DHDH: variants seen among roughly 807,000 people sequenced by gnomAD.
The protein encoded by DHDH is dihydrodiol dehydrogenase.
DHDH carries 29 observed loss-of-function variants against 33.2 expected under a neutral mutation model. The ratio of observed to expected loss-of-function variants is 0.87; its 90% CI spans 0.65 to 1.19. The LOEUF (loss-of-function observed/expected upper bound fraction) is 1.19. Ranked by LOEUF, DHDH falls within the 50% of genes most tolerant of loss-of-function variation. The pLI is 0.00. For synonymous variants in DHDH, 201 were observed against 187.9 expected (o/e 1.07, Z -0.57); for missense variants, 431 against 455.0 (o/e 0.95, Z 0.48).
At chr19:48,939,405 G>A (rs2037824303) in intron 3 of DHDH, 44 bp from the exon 4 acceptor site, 5 of 1,574,726 alleles carry the variant, frequency 3.2e-6, no homozygotes, top group South Asian at 1.2e-5. Flanking sequence ...GACCCCAGAA[G>A]GGATTAGAAC....
rs1387509822 is a variant in DHDH, at chr19:48,936,108, T to C, written c.279T>C (p.Val93=). ...VMLCLAAGKA[V]LCEKPTGVNA... Reference sequence around the variant, plus strand: ...TGTGCTTGGCGGCGGGCAAGGCCGTTCTGTGCGAGAAGCCCACGGGCGTGA... The same window carrying C: ...TGTGCTTGGCGGCGGGCAAGGCCGTCCTGTGCGAGAAGCCCACGGGCGTGA... Residue 93 remains valine, a synonymous_variant, in exon 3 of 7, where the codon GTT becomes GTC. Transcript: ENST00000221403. 3.1e-6 allele frequency: 5 copies of C among 1,611,534 alleles called. No homozygotes were observed. The highest frequency in any genetic ancestry group is 4.2e-6 in the Non-Finnish European group (5 of 1,179,510).
rs1249811762 is a variant in DHDH at position 48,935,110 on chromosome 19, G to A, written c.201G>A (p.Val67=). 2 of 1,556,888 alleles carry A rather than the reference G, an allele frequency of 1.3e-6. No individual in the cohort carries two copies. Among genetic ancestry groups the A allele is most frequent in the Non-Finnish European group, 1.7e-6 (2 of 1,155,006 alleles). ...SYEELAKDPS[V]EVAYIGTQHP... ...AGGAGCTGGCCAAGGACCCGAGCGT[G>A]GGTGAGTGGCGAGGGCGATGGGGGT... Residue 67 remains valine (V), a splice_region_variant and synonymous_variant, in exon 2 of 7, where the codon GTG becomes GTA. Transcript: ENST00000221403.
At chr19:48,940,526 G>A (rs184607881) in intron 4 of DHDH, among the ~76,000 whole-genome samples, 5 of 146,546 alleles carry the variant, frequency 3.4e-5, no homozygotes, top group East Asian at 4.0e-4. Flanking sequence ...ACATTCAGCC[G>A]CAAAAAAAAA....
In DHDH at chr19:48,936,137, C is replaced by T. The variant is rs779796277; in HGVS notation, c.308C>T (p.Ala103Val). 2.5e-6 allele frequency: 4 copies of T among 1,609,502 alleles called. No homozygotes were observed. The highest frequency in any genetic ancestry group is 3.4e-6 in the Non-Finnish European group (4 of 1,178,570). ...TGCGAGAAGCCCACGGGCGTGAACG[C>T]GGCGGAAGTTCGCGAGATGGTCGCG... ...VLCEKPTGVN[A>V]AEVREMVAEA... is the part of the protein sequence containing the mutation. Residue 103 changes from alanine (A) to valine (V), a missense_variant, in exon 3 of 7, where the codon GCG (alanine) becomes GTG (valine). Physicochemically the swap from Ala to Val is moderately conservative, Grantham distance 64. Transcript: ENST00000221403.
At chr19:48,937,784 C>T (rs2037800717) in intron 3 of DHDH, among the ~76,000 whole-genome samples, 1 of 149,120 alleles carries the variant, frequency 6.7e-6, no homozygotes. Context: ...TGCACTCCAG[C>T]CTGGACGACA....
At chr19:48,939,054 G>T (rs1192854699) in intron 3 of DHDH, among the ~76,000 whole-genome samples, 1 of 152,080 alleles carries the variant, frequency 6.6e-6, no homozygotes, top group African/African-American at 2.4e-5. Flanking sequence ...GCTTCAACAC[G>T]TGAATTGTGT....
Position 48,942,844 on chromosome 19 carries a change from C to T in DHDH, c.744+280C>T, listed in dbSNP as rs914913291. ...CCAAGGCAGGCAGATCACCTGAGGT[C>T]AGGAGTTCCAGACCAGCCTGGACAA... On this transcript the variant is annotated intron_variant, in intron 5 of 6. Transcript: ENST00000221403. Among the ~76,000 whole-genome samples the T allele has an allele frequency of 4.0e-5, 6 of 151,244 alleles. No homozygotes were observed. The South Asian group carries it at 1.3e-3, about 32-fold the overall frequency.
At chr19:48,942,161 C>T (rs954925524) in intron 4 of DHDH, among the ~76,000 whole-genome samples, 1 of 152,068 alleles carries the variant, frequency 6.6e-6, no homozygotes, top group Non-Finnish European at 1.5e-5. Flanking sequence ...GACTACACCA[C>T]GCCTGGCTAA....
At chr19:48,939,849 C>T in intron 4 of DHDH, 148 bp downstream of exon 4, 2 of 1,209,364 alleles carry the variant, frequency 1.7e-6, no homozygotes, top group Non-Finnish European at 2.3e-6. Context: ...GGATCAGAGT[C>T]AAGACTGCAG....
intron 6 of DHDH, 40 bp downstream of exon 6, chr19:48,944,547 G>A (rs1484552920): frequency 2.6e-6 from 4 of 1,553,298 alleles, no homozygotes; most frequent in Non-Finnish European, 3.5e-6. Context: ...GGCCTGGTAG[G>A]GGGATGTTGG....
At chr19:48,944,789 G>T (rs1394411363) in intron 6 of DHDH, 35 bp from the exon 7 acceptor site, 2 of 1,580,182 alleles carry the variant, frequency 1.3e-6, no homozygotes, top group Non-Finnish European at 1.7e-6. Flanking sequence ...TGGGCGCGTG[G>T]GTAGGAGGGG....
chr19:48,933,566 G>A, upstream of DHDH: 3 of 667,642 alleles, frequency 4.5e-6, no homozygotes, highest in Non-Finnish European at 7.9e-6. Context: ...GGGGAAGCTA[G>A]AACTAAATGA....
intron 3 of DHDH, among the ~76,000 whole-genome samples, chr19:48,937,834 G>T (rs963001316): frequency 1.5e-5 from 2 of 129,700 alleles, no homozygotes; most frequent in Non-Finnish European, 3.3e-5. Context: ...AAAAAAAAAA[G>T]AAATTGCTGG....
rs961997493 is a variant in DHDH, at chr19:48,933,923, G to T, written c.90+112G>T. 10 of 930,342 alleles carry T rather than the reference G, an allele frequency of 1.1e-5. No homozygotes were observed. The Admixed American group carries it at 1.1e-4, about 10-fold the overall frequency. The allele number at this position is 930,342 out of a possible 1,614,324, so 57.6% of individuals were successfully genotyped here. A position where few individuals can be genotyped will look rare whatever the true frequency, so the allele number is the denominator to read the frequency against. ...CTAGTGAGTGGGTCGTCATTGCAGT[G>T]AAACGTCTGTTTCCTTGCTACCTCC... On this transcript the variant is annotated intron_variant, in intron 1 of 6. Coordinates refer to ENST00000221403, the MANE Select transcript of DHDH (RefSeq NM_014475.4).
rs559392317 is a variant in DHDH, at chr19:48,940,221, G to A, written c.619+520G>A. On this transcript the variant is annotated intron_variant, in intron 4 of 6. Transcript: ENST00000221403. ...AATACAAAAATTAGCTAGGCATTGCGGCAGGCACCTGTAATCCCAGCTATC... is the reference window on the plus strand; with the variant it reads ...AATACAAAAATTAGCTAGGCATTGCAGCAGGCACCTGTAATCCCAGCTATC... Among the ~76,000 whole-genome samples, 13 of 152,024 alleles carry A rather than the reference G, an allele frequency of 8.6e-5. No homozygotes were observed. In the East Asian group the frequency reaches 1.2e-3, roughly 14 times the overall value.
intron 2 of DHDH, 146 bp from the exon 3 acceptor site, chr19:48,935,886 C>T (rs2037765826): frequency 1.2e-6 from 1 of 824,414 alleles, no homozygotes; most frequent in Non-Finnish European, 1.8e-6. Context: ...GTAACAGCCC[C>T]TTCCTAAGGA....
At chr19:48,933,509 G>T (rs1321767612), upstream of DHDH, among the ~76,000 whole-genome samples, 1 of 152,238 alleles carries the variant, frequency 6.6e-6, no homozygotes, top group Non-Finnish European at 1.5e-5. Flanking sequence ...CGACGTCAAG[G>T]TGTGGTTCCC....
chr19:48,933,927 C>CA, intron 1 of DHDH, 116 bp downstream of exon 1: 1 of 889,252 alleles, frequency 1.1e-6, no homozygotes, highest in Non-Finnish European at 1.8e-6. Context: ...TGCAGTGAAA[C>CA]GTCTGTTTCC....
At position 48,943,173 on chromosome 19, in the gene DHDH, G is replaced by A. The variant is rs187515252; in HGVS notation, c.744+609G>A. Among the ~76,000 whole-genome samples, 39 of 151,982 alleles carry A rather than the reference G, an allele frequency of 2.6e-4. No homozygotes were observed. In the East Asian group the frequency reaches 5.6e-3, roughly 22 times the overall value. On this transcript the variant is annotated intron_variant, in intron 5 of 6. Coordinates refer to ENST00000221403, the MANE Select transcript of DHDH (RefSeq NM_014475.4). ...GTGGATCACTTGAGCCCTGGAGGTC[G>A]AGGCTGCAGTGAGCTGTGATTGTGC... is the stretch of plus-strand genomic sequence containing the variant.
Sources: gnomAD v4.1 joint callset for allele counts (sites outside exome capture counted in the v4.1 genomes callset) on GRCh38, gnomAD v4.1.1 for gene constraint, MANE v1.5 for transcripts, NCBI Gene and HGNC (gene_info 2026-07-23, HGNC 2026-07-21) for gene names.